PDSS2: variants seen among roughly 807,000 people sequenced by gnomAD.
The protein encoded by PDSS2 is all trans-polyprenyl-diphosphate synthase PDSS2.
Under a neutral mutation model 44.5 loss-of-function variants are expected in PDSS2, and 31 were observed. The observed-to-expected ratio is 0.70, with a 90% CI of 0.52 to 0.94. The LOEUF is 0.94. Among genes scored for constraint, PDSS2 ranks in the 40% least tolerant of loss-of-function variants. The pLI is 0.00. For synonymous variants in PDSS2, 157 were observed against 180.3 expected (o/e 0.87, Z 1.03); for missense variants, 452 against 482.2 (o/e 0.94, Z 0.59).
intron 6 of PDSS2, among the ~76,000 whole-genome samples, chr6:107,195,710 C>A (rs921383924): frequency 7.1e-6 from 1 of 141,072 alleles, no homozygotes. Flanking sequence ...CAGGCACCCA[C>A]CACCACGCCC....
intron 4 of PDSS2, among the ~76,000 whole-genome samples, chr6:107,228,968 C>A (rs560618378): frequency 6.6e-6 from 1 of 152,180 alleles, no homozygotes; most frequent in East Asian, 1.9e-4. Context: ...GTTTTATTAG[C>A]TCATTAATAC....
chr6:107,387,732 T>C (rs773860416), intron 1 of PDSS2, among the ~76,000 whole-genome samples: 1 of 152,236 alleles, frequency 6.6e-6, no homozygotes, highest in Non-Finnish European at 1.5e-5. Context: ...TGACCATCCC[T>C]AGAGGCTTCA....
intron 1 of PDSS2, among the ~76,000 whole-genome samples, chr6:107,366,786 A>T (rs940736444): frequency 2.0e-5 from 3 of 151,928 alleles, no homozygotes; most frequent in African/African-American, 7.2e-5. Flanking sequence ...AACACACAGA[A>T]AATATGAATA....
At chr6:107,368,627 G>A (rs750627123) in intron 1 of PDSS2, among the ~76,000 whole-genome samples, 3 of 152,112 alleles carry the variant, frequency 2.0e-5, no homozygotes, top group Non-Finnish European at 2.9e-5. Flanking sequence ...GGCAAGGCGG[G>A]AGGATTGTTT....
chr6:107,319,011 CACACACACACACACAT>C (rs1180021071), intron 2 of PDSS2, among the ~76,000 whole-genome samples: 2 of 150,096 alleles, frequency 1.3e-5, no homozygotes, highest in African/African-American at 4.9e-5. Flanking sequence ...TATATATACA[CACACACACACACACAT>C]ACACACACAC....
chr6:107,173,572 C>CAAAAAAAAA (rs71012783), intron 7 of PDSS2, among the ~76,000 whole-genome samples: 4 of 41,508 alleles, frequency 9.6e-5, no homozygotes, highest in Non-Finnish European at 1.5e-4. Context: ...GACTCTGTCT[C>CAAAAAAAAA]AAAAAAAAAA....
At chr6:107,265,551 A>G (rs1334885941) in intron 3 of PDSS2, among the ~76,000 whole-genome samples, 1 of 152,206 alleles carries the variant, frequency 6.6e-6, no homozygotes, top group Non-Finnish European at 1.5e-5. Flanking sequence ...GTATCTATTT[A>G]TGTTGCTATT....
intron 6 of PDSS2, among the ~76,000 whole-genome samples, chr6:107,199,563 C>A (rs2114562102): frequency 6.6e-6 from 1 of 152,286 alleles, no homozygotes; most frequent in South Asian, 2.1e-4. Flanking sequence ...GCCTCCCAAA[C>A]TGCTGGGATT....
At chr6:107,324,463 A>G (rs1777476741) in intron 2 of PDSS2, among the ~76,000 whole-genome samples, 1 of 152,194 alleles carries the variant, frequency 6.6e-6, no homozygotes, top group Admixed American at 6.5e-5. Context: ...TTGCTTTACA[A>G]GTATGAAATA....
intron 1 of PDSS2, among the ~76,000 whole-genome samples, chr6:107,388,485 G>C (rs1211282718): frequency 7.4e-6 from 1 of 135,508 alleles, no homozygotes. Context: ...GTCTCGCTCT[G>C]TCGCCCAGGC....
At chr6:107,166,655 T>G (rs1554247589) in intron 7 of PDSS2, among the ~76,000 whole-genome samples, 1 of 152,182 alleles carries the variant, frequency 6.6e-6, no homozygotes, top group Admixed American at 6.6e-5. Flanking sequence ...TGAGCCACCA[T>G]GCCCGGCCTT....
At chr6:107,180,884 C>T (rs142507485) in intron 7 of PDSS2, among the ~76,000 whole-genome samples, 2 of 152,250 alleles carry the variant, frequency 1.3e-5, no homozygotes, top group East Asian at 3.9e-4. Flanking sequence ...TGATGTCTCA[C>T]TCTGTCTCCC....
In PDSS2 at chr6:107,274,226, G is replaced by C. The variant is rs1285708549; in HGVS notation, c.433C>G (p.Gln145Glu). 1.9e-6 allele frequency: 3 copies of C among 1,607,790 alleles called. No individual in the cohort carries two copies. Among genetic ancestry groups the C allele is most frequent in the Non-Finnish European group, 2.6e-6 (3 of 1,174,344 alleles). Residue 145 changes from glutamine (Q) to glutamate (E), a missense_variant and splice_region_variant, in exon 3 of 8, where the codon CAA (glutamine) becomes GAA (glutamate). Physicochemically the swap from Gln to Glu is conservative, Grantham distance 29. Transcript: ENST00000369037. ...YDMVSGIYSCQRSLAEITELI... is the reference protein window; with the variant it reads ...YDMVSGIYSCERSLAEITELI... ...TCCGTGATCTCTGCCAAACTTCTTT[G>C]ACTAAAACATAAAGGTAAGATTTGT...
intron 2 of PDSS2, among the ~76,000 whole-genome samples, chr6:107,275,460 T>C (rs1463275657): frequency 6.6e-6 from 1 of 152,096 alleles, no homozygotes; most frequent in Non-Finnish European, 1.5e-5. Flanking sequence ...CATGATCCCC[T>C]TCCATGCCTG....
chr6:107,454,074 G>T (rs1781958128), intron 1 of PDSS2, among the ~76,000 whole-genome samples: 3 of 148,608 alleles, frequency 2.0e-5, no homozygotes, highest in Admixed American at 6.7e-5. Flanking sequence ...TTGAGACAAG[G>T]TATCACTCCA....
intron 2 of PDSS2, among the ~76,000 whole-genome samples, chr6:107,283,984 C>T (rs940138608): frequency 6.6e-6 from 1 of 151,572 alleles, no homozygotes; most frequent in African/African-American, 2.4e-5. Context: ...CTAGATGGTG[C>T]CATTGCACTC....
chr6:107,374,867 T>C (rs1779236656), intron 1 of PDSS2, among the ~76,000 whole-genome samples: 1 of 152,160 alleles, frequency 6.6e-6, no homozygotes, highest in African/African-American at 2.4e-5. Context: ...ATTTATAATT[T>C]CCGATTTTGA....
chr6:107,445,931 T>G (rs1781659686), intron 1 of PDSS2, among the ~76,000 whole-genome samples: 1 of 152,138 alleles, frequency 6.6e-6, no homozygotes, highest in Non-Finnish European at 1.5e-5. Context: ...TCTCTTTCTC[T>G]CTCTGTCTCT....
chr6:107,389,605 G>A (rs1456209063), intron 1 of PDSS2, among the ~76,000 whole-genome samples: 1 of 152,118 alleles, frequency 6.6e-6, no homozygotes, highest in Non-Finnish European at 1.5e-5. Flanking sequence ...GAATACTGTG[G>A]TATTGGATTG....
Sources: gnomAD v4.1 joint callset for allele counts (sites outside exome capture counted in the v4.1 genomes callset) on GRCh38, gnomAD v4.1.1 for gene constraint, MANE v1.5 for transcripts, NCBI Gene and HGNC (gene_info 2026-07-23, HGNC 2026-07-21) for gene names.